The following ABI3BP variants were observed in gnomAD, a reference collection of about 807,000 sequenced individuals.
ABI3BP encodes ABI family member 3 binding protein, also known as target of Nesh-SH3.
A neutral mutation model predicts 268.6 loss-of-function variants in ABI3BP; 216 were observed. That is an observed-to-expected ratio of 0.80 (90% confidence interval 0.72 to 0.90). The LOEUF is 0.90. Among genes scored for constraint, ABI3BP ranks in the 40% least tolerant of loss-of-function variants. The probability of loss-of-function intolerance (pLI) is 0.00; values close to 1 mark genes in which losing one functional copy is unlikely to be tolerated. For missense variants in ABI3BP, 2,090 were observed against 2,182.4 expected, an observed-to-expected ratio of 0.96 and a Z score of 0.84; for synonymous variants, 730 against 730.0, an observed-to-expected ratio of 1.00 and a Z score of 0.00.
At chr3:100,839,515 G>A (rs2098659748) in intron 24 of ABI3BP, 54 bp downstream of exon 24, 1 of 1,518,088 alleles carries the variant, frequency 6.6e-7, no homozygotes, top group African/African-American at 1.4e-5. Flanking sequence ...GGAGAGTGGG[G>A]AAAGCAAAAG....
Position 100,827,269 on chromosome 3 carries a change from A to G in ABI3BP, c.2602+1124T>C, listed in dbSNP as rs528759709. Among the ~76,000 whole-genome samples, 3 of 152,278 alleles carry G rather than the reference A, an allele frequency of 2.0e-5. No individual in the cohort carries two copies. In the South Asian group the frequency reaches 6.2e-4, roughly 32 times the overall value. On this transcript the variant is annotated intron_variant, in intron 34 of 67. Transcript: ENST00000471714. Reference sequence around the variant, plus strand: ...CACTGCGAAGTAAAACATGTCTTCTACTACAAAAAGGGAAGATCCTGCAGG... The same window carrying G: ...CACTGCGAAGTAAAACATGTCTTCTGCTACAAAAAGGGAAGATCCTGCAGG...
intron 4 of ABI3BP, among the ~76,000 whole-genome samples, chr3:100,887,980 G>A (rs2042751518): frequency 1.3e-5 from 2 of 152,028 alleles, no homozygotes; most frequent in African/African-American, 2.4e-5. Context: ...TCTAAGTTGG[G>A]GGTCTGGTGC....
In ABI3BP at chr3:100,820,300, G is replaced by A; in HGVS notation, c.2951C>T (p.Pro984Leu). The A allele has an allele frequency of 1.3e-6, 2 of 1,535,674 alleles. No individual in the cohort carries two copies. The highest frequency in any genetic ancestry group is 1.7e-6 in the Non-Finnish European group (2 of 1,146,624). The change falls in exon 40 of 68, where the codon CCT becomes CTT. Residue 984 changes from proline (P) to leucine (L), a missense_variant. Coordinates refer to ENST00000471714, the MANE Select transcript of ABI3BP (RefSeq NM_001375547.2). ...ACGACGAGTTCGTTGTGATGTTTTA[G>A]GAGCTGAAGAAAGAAAACCTTTAGT... The part of the protein sequence containing the change: ...RTETWVTTQA[P>L]KTSQRTRRPR...
chr3:100,873,767 G>A (rs1489478497), intron 9 of ABI3BP, among the ~76,000 whole-genome samples: 2 of 152,208 alleles, frequency 1.3e-5, no homozygotes, highest in Non-Finnish European at 2.9e-5. Flanking sequence ...CCTTGTCTGA[G>A]GTCCCAGAAT....
intron 1 of ABI3BP, among the ~76,000 whole-genome samples, chr3:100,981,377 G>A (rs750256001): frequency 6.6e-6 from 1 of 152,180 alleles, no homozygotes; most frequent in Non-Finnish European, 1.5e-5. Context: ...GAAGCCAGGA[G>A]AATGCTCTGA....
intron 31 of ABI3BP, among the ~76,000 whole-genome samples, chr3:100,831,239 G>A (rs2098487073): frequency 1.3e-5 from 2 of 152,036 alleles, no homozygotes; most frequent in South Asian, 4.2e-4. Flanking sequence ...CATGTGCTGG[G>A]GGTGTGTCTG....
chr3:100,970,887 T>C (rs1423042285), intron 1 of ABI3BP, among the ~76,000 whole-genome samples: 1 of 152,156 alleles, frequency 6.6e-6, no homozygotes, highest in Non-Finnish European at 1.5e-5. Context: ...CCAAATGAAA[T>C]GATTGGGCAG....
chr3:100,885,213 T>A (rs2041384006), intron 6 of ABI3BP, among the ~76,000 whole-genome samples: 1 of 152,032 alleles, frequency 6.6e-6, no homozygotes, highest in African/African-American at 2.4e-5. Flanking sequence ...AAATCATGTA[T>A]CAATTTGCTC....
At chr3:100,940,094 A>G (rs1055110735) in intron 1 of ABI3BP, among the ~76,000 whole-genome samples, 1 of 152,032 alleles carries the variant, frequency 6.6e-6, no homozygotes, top group South Asian at 2.1e-4. Flanking sequence ...TCTTTTTTCA[A>G]GGTGCCCAGA....
At chr3:100,848,521 G>C (rs1309270674) in intron 18 of ABI3BP, among the ~76,000 whole-genome samples, 2 of 149,772 alleles carry the variant, frequency 1.3e-5, no homozygotes, top group Non-Finnish European at 3.0e-5. Context: ...GCCCAGGCTT[G>C]AGTGCAGTGT....
rs72930643 is a variant in ABI3BP at position 100,763,055 on chromosome 3, A to T, written c.4850+2786T>A. Among the ~76,000 whole-genome samples, 819 of 152,340 alleles carry T rather than the reference A, an allele frequency of 5.4e-3. 8 individuals carry two copies. The highest frequency in any genetic ancestry group is 0.019 in the African/African-American group (782 of 41,572). The stretch of plus-strand genomic sequence containing the variant: ...CTTAAAATAATGTTAAGTAAGCCAC[A>T]TATAATAGACACACTGAATGACCTC... On this transcript the variant is annotated intron_variant, in intron 63 of 67. Transcript: ENST00000471714.
At chr3:100,832,864 G>C (rs1412072694) in intron 30 of ABI3BP, among the ~76,000 whole-genome samples, 6 of 152,154 alleles carry the variant, frequency 3.9e-5, no homozygotes, top group African/African-American at 1.4e-4. Flanking sequence ...GGAATATATG[G>C]GGAATTGTAG....
Position 100,901,625 on chromosome 3 carries a change from G to T in ABI3BP, c.328+993C>A, listed in dbSNP as rs189890673. On this transcript the variant is annotated intron_variant, in intron 3 of 67. Transcript: ENST00000471714. ...CTAAAAAATACAAAAAATTAGCCGG[G>T]CCTGGTGGTGGGCGCCTGTAGTCCC... Among the ~76,000 whole-genome samples the T allele has an allele frequency of 2.6e-3, 395 of 152,140 alleles. 1 individual carries two copies. The Middle Eastern group carries it at 0.027, about 10-fold the overall frequency.
chr3:100,807,447 G>T (rs2152440839), intron 50 of ABI3BP, among the ~76,000 whole-genome samples: 1 of 151,896 alleles, frequency 6.6e-6, no homozygotes, highest in African/African-American at 2.4e-5. Context: ...TTAGTAATTA[G>T]AACATATTTA....
intron 51 of ABI3BP, among the ~76,000 whole-genome samples, chr3:100,799,267 T>G (rs1035722621): frequency 2.0e-5 from 3 of 152,106 alleles, no homozygotes; most frequent in African/African-American, 7.2e-5. Flanking sequence ...CAGCCTCCAC[T>G]CATTTCCTGC....
In ABI3BP at chr3:100,875,533, T is replaced by C. The variant is rs751801789; in HGVS notation, c.792A>G (p.Lys264=). 3 of 1,612,826 alleles carry C rather than the reference T, an allele frequency of 1.9e-6. No individual in the cohort carries two copies. Among genetic ancestry groups the C allele is most frequent in the African/African-American group, 2.7e-5 (2 of 74,876 alleles). ...CTAGTATCACTCCTCCCAGTGGAGC[T>C]TTTTCTGGGGATTTAGCTGAATCCT... ...THKDSAKSPE[K]APLGGVILVH... The change falls in exon 8 of 68, where the codon AAA becomes AAG. Residue 264 remains lysine (K), a synonymous_variant. Transcript: ENST00000471714.
chr3:100,844,683 A>G (rs909934995), intron 20 of ABI3BP, among the ~76,000 whole-genome samples: 2 of 152,212 alleles, frequency 1.3e-5, no homozygotes, highest in Admixed American at 6.5e-5. Context: ...GCGGAGATCC[A>G]GTCATCATCC....
At chr3:100,893,304 C>G (rs1378885717) in intron 4 of ABI3BP, among the ~76,000 whole-genome samples, 2 of 152,124 alleles carry the variant, frequency 1.3e-5, no homozygotes, top group Non-Finnish European at 2.9e-5. Context: ...GACTGGCTTC[C>G]TTGTTCCTCA....
intron 49 of ABI3BP, among the ~76,000 whole-genome samples, chr3:100,808,912 T>C (rs1451152145): frequency 6.6e-6 from 1 of 152,082 alleles, no homozygotes; most frequent in Admixed American, 6.6e-5. Flanking sequence ...TTGCAGCTTA[T>C]GGAAACACCT....
Sources: allele counts gnomAD v4.1 joint callset (sites outside exome capture counted in the v4.1 genomes callset), GRCh38; gene constraint gnomAD v4.1.1; transcripts MANE v1.5; gene names NCBI Gene and HGNC (gene_info 2026-07-23, HGNC 2026-07-21).